The following MACROD2 variants were observed in gnomAD, a reference collection of about 807,000 sequenced individuals.
MACROD2 encodes the protein mono-ADP ribosylhydrolase 2.
MACROD2 carries 36 observed loss-of-function variants against 70.4 expected under a neutral mutation model. That is an observed-to-expected ratio of 0.51 (90% confidence interval 0.39 to 0.68). MACROD2 has a LOEUF of 0.68. MACROD2 is among the 30% of genes least tolerant of loss of function. MACROD2 has a pLI of 0.00. For missense variants in MACROD2, 496 were observed against 538.4 expected (o/e 0.92, Z 0.78); for synonymous variants, 172 against 178.8 (o/e 0.96, Z 0.30).
At chr20:14,832,296 C>G (rs2072979829) in intron 5 of MACROD2, among the ~76,000 whole-genome samples, 1 of 151,794 alleles carries the variant, frequency 6.6e-6, no homozygotes, top group South Asian at 2.1e-4. Flanking sequence ...ATTGATCAGG[C>G]TGAGAAAGAA....
intron 4 of MACROD2, among the ~76,000 whole-genome samples, chr20:14,498,428 TATTA>T (rs2084880455): frequency 6.6e-6 from 1 of 152,144 alleles, no homozygotes; most frequent in African/African-American, 2.4e-5. Flanking sequence ...ATTCAGCAAA[TATTA>T]ATTGAGTTAC....
intron 10 of MACROD2, among the ~76,000 whole-genome samples, chr20:15,897,714 G>C (rs1251155172): frequency 6.6e-6 from 1 of 151,408 alleles, no homozygotes; most frequent in Non-Finnish European, 1.5e-5. Context: ...GTTTTATTTG[G>C]TTCCTTTTCA....
At chr20:14,468,210 T>C (rs968069714) in intron 3 of MACROD2, among the ~76,000 whole-genome samples, 10 of 151,910 alleles carry the variant, frequency 6.6e-5, no homozygotes, top group Admixed American at 6.6e-4. Context: ...GACAGTGGGG[T>C]GTTAAATTCA....
At chr20:14,028,352 C>T (rs2053202139) in intron 2 of MACROD2, among the ~76,000 whole-genome samples, 1 of 150,742 alleles carries the variant, frequency 6.6e-6, no homozygotes, top group Non-Finnish European at 1.5e-5. Context: ...TCTTAGCTTG[C>T]TGGACCCCGT....
rs577897671 is a variant in MACROD2 at position 15,535,872 on chromosome 20, T to C, written c.645+36025T>C. Among the ~76,000 whole-genome samples, 10 of 152,358 alleles carry C rather than the reference T, an allele frequency of 6.6e-5. No individual in the cohort carries two copies. In the East Asian group the frequency reaches 1.9e-3, roughly 29 times the overall value. ...ATCATCCCTAAACAATGCCTATTGA[T>C]AAATATCTGGAAATTTTTCTGGGAA... On this transcript the variant is annotated intron_variant, in intron 8 of 17. Transcript: ENST00000684519.
intron 6 of MACROD2, among the ~76,000 whole-genome samples, chr20:15,380,663 A>G (rs2045630824): frequency 6.6e-6 from 1 of 152,160 alleles, no homozygotes. Flanking sequence ...TCTGTTTTTG[A>G]TAACATTATA....
At chr20:15,416,967 A>G (rs1319778517) in intron 6 of MACROD2, among the ~76,000 whole-genome samples, 1 of 152,196 alleles carries the variant, frequency 6.6e-6, no homozygotes, top group African/African-American at 2.4e-5. Context: ...AATGATTTCA[A>G]GTTCACACCA....
chr20:15,793,034 GAA>G (rs1435189589), intron 8 of MACROD2, among the ~76,000 whole-genome samples: 1 of 152,166 alleles, frequency 6.6e-6, no homozygotes, highest in East Asian at 1.9e-4. Flanking sequence ...GTGCAGATAT[GAA>G]AACACCTACA....
At chr20:15,270,154 C>CTTT (rs3045758) in intron 6 of MACROD2, among the ~76,000 whole-genome samples, 1 of 118,314 alleles carries the variant, frequency 8.5e-6, no homozygotes, top group African/African-American at 3.2e-5. Flanking sequence ...CTGACACAGC[C>CTTT]TTTTTTTTTT....
chr20:14,370,978 AT>A (rs1444177052), intron 3 of MACROD2, among the ~76,000 whole-genome samples: 1 of 152,214 alleles, frequency 6.6e-6, no homozygotes, highest in Non-Finnish European at 1.5e-5. Flanking sequence ...TCAGTGGGAA[AT>A]TGTTTATACA....
chr20:15,849,430 C>A (rs952520729), intron 8 of MACROD2, among the ~76,000 whole-genome samples: 1 of 152,162 alleles, frequency 6.6e-6, no homozygotes, highest in Admixed American at 6.5e-5. Context: ...GTCGAGAAAA[C>A]GATAAGGCAC....
At chr20:15,212,210 A>G (rs1301477355) in intron 5 of MACROD2, among the ~76,000 whole-genome samples, 4 of 152,206 alleles carry the variant, frequency 2.6e-5, no homozygotes, top group Non-Finnish European at 5.9e-5. Context: ...ATTAAAAGAC[A>G]AATTACATGC....
chr20:15,458,256 C>A (rs10485527), intron 7 of MACROD2, among the ~76,000 whole-genome samples: 9,902 of 152,166 alleles, frequency 0.065, 455 homozygotes, highest in Middle Eastern at 0.18. Flanking sequence ...TCCATTCACA[C>A]AAATCACATA....
intron 8 of MACROD2, among the ~76,000 whole-genome samples, chr20:15,851,608 T>C (rs1329419536): frequency 6.6e-6 from 1 of 152,174 alleles, no homozygotes; most frequent in Non-Finnish European, 1.5e-5. Context: ...TCTTCAAATA[T>C]AGTCACATTC....
intron 6 of MACROD2, among the ~76,000 whole-genome samples, chr20:15,381,873 G>C (rs147413737): frequency 1.3e-5 from 2 of 152,152 alleles, no homozygotes; most frequent in Non-Finnish European, 2.9e-5. Context: ...CTGCCCAGAT[G>C]AGTAAAATGG....
At chr20:15,852,778 A>G (rs1010088848) in intron 8 of MACROD2, among the ~76,000 whole-genome samples, 3 of 152,162 alleles carry the variant, frequency 2.0e-5, no homozygotes, top group African/African-American at 7.2e-5. Context: ...ATTTTCATGA[A>G]TGTTTCTTTT....
intron 9 of MACROD2, among the ~76,000 whole-genome samples, chr20:15,884,242 G>A (rs2064794394): frequency 6.6e-6 from 1 of 152,020 alleles, no homozygotes; most frequent in African/African-American, 2.4e-5. Context: ...TTCAAACCTG[G>A]GGAAATCAGA....
intron 6 of MACROD2, among the ~76,000 whole-genome samples, chr20:15,308,796 C>A (rs2077723359): frequency 6.6e-6 from 1 of 152,170 alleles, no homozygotes; most frequent in Non-Finnish European, 1.5e-5. Flanking sequence ...TGTGCTCTCT[C>A]CAGCCCGGCT....
chr20:14,528,674 G>T (rs1014392693), intron 4 of MACROD2, among the ~76,000 whole-genome samples: 1 of 151,710 alleles, frequency 6.6e-6, no homozygotes. Context: ...GGGTTGGGGG[G>T]GCCCAACATT....
Sources: allele counts gnomAD v4.1 joint callset (sites outside exome capture counted in the v4.1 genomes callset), GRCh38; gene constraint gnomAD v4.1.1; transcripts MANE v1.5; gene names NCBI Gene and HGNC (gene_info 2026-07-23, HGNC 2026-07-21).